Variants in REV3L observed in about 807,000 individuals in gnomAD.
REV3L encodes the protein DNA polymerase zeta catalytic subunit.
In REV3L, 69 loss-of-function variants were observed where a neutral mutation model predicts 299.4. That is an observed-to-expected ratio of 0.23 (90% CI 0.19 to 0.28). REV3L has a LOEUF of 0.28. Among genes scored for constraint, REV3L ranks in the 10% least tolerant of loss-of-function variants. The pLI is 1.00. For synonymous variants in REV3L, 1,238 were observed against 1,271.4 expected (o/e 0.97, Z 0.56); for missense variants, 3,128 against 3,693.8 (o/e 0.85, Z 3.97).
At chr6:111,338,118 GT>G (rs759676266) in intron 21 of REV3L, among the ~76,000 whole-genome samples, 1 of 152,042 alleles carries the variant, frequency 6.6e-6, no homozygotes, top group Non-Finnish European at 1.5e-5. Context: ...CTTTAAAAAG[GT>G]ATGTATTACA....
intron 13 of REV3L, among the ~76,000 whole-genome samples, chr6:111,368,819 A>G: frequency 6.6e-6 from 1 of 152,210 alleles, no homozygotes; most frequent in East Asian, 1.9e-4. Context: ...TATTATGGAT[A>G]TAAAGTTAAT....
chr6:111,307,226 AG>A (rs1453770117), intron 31 of REV3L, 134 bp downstream of exon 31: 1 of 700,172 alleles, frequency 1.4e-6, no homozygotes, highest in Non-Finnish European at 2.4e-6. Context: ...TGAGATTTTT[AG>A]GAAGTTTATC....
At chr6:111,430,530 A>G in intron 1 of REV3L, 1 of 1,572,004 alleles carries the variant, frequency 6.4e-7, no homozygotes, top group Non-Finnish European at 8.7e-7. Flanking sequence ...TAGACATGAA[A>G]GAATTCAGAG....
chr6:111,344,139 G>A, intron 20 of REV3L, 96 bp from the exon 21 acceptor site: 1 of 730,394 alleles, frequency 1.4e-6, no homozygotes, highest in Non-Finnish European at 2.2e-6. Context: ...ACTTTTCATA[G>A]TAGATATTAA....
intron 13 of REV3L, among the ~76,000 whole-genome samples, chr6:111,368,742 C>T (rs1368843483): frequency 6.6e-6 from 1 of 152,136 alleles, no homozygotes; most frequent in Non-Finnish European, 1.5e-5. Flanking sequence ...TGTCTTTCTC[C>T]AATCCCTTGA....
chr6:111,330,110 C>G (rs1456322544), intron 24 of REV3L, among the ~76,000 whole-genome samples: 2 of 152,162 alleles, frequency 1.3e-5, no homozygotes, highest in African/African-American at 4.8e-5. Flanking sequence ...TTGTATCACT[C>G]ATAACCAACT....
At chr6:111,355,518 A>C (rs1777998076) in intron 18 of REV3L, among the ~76,000 whole-genome samples, 1 of 152,166 alleles carries the variant, frequency 6.6e-6, no homozygotes. Context: ...GTTGACATTT[A>C]AGCATTTTTC....
intron 2 of REV3L, among the ~76,000 whole-genome samples, chr6:111,413,259 A>G (rs1268284784): frequency 6.6e-6 from 1 of 152,174 alleles, no homozygotes; most frequent in African/African-American, 2.4e-5. Flanking sequence ...GGTTTTGCCA[A>G]AAGAATTCCT....
intron 21 of REV3L, among the ~76,000 whole-genome samples, chr6:111,336,747 C>T (rs1382494929): frequency 6.6e-6 from 1 of 152,134 alleles, no homozygotes; most frequent in African/African-American, 2.4e-5. Flanking sequence ...CAGTATTAAT[C>T]ATAGTAGCCC....
intron 1 of REV3L, among the ~76,000 whole-genome samples, chr6:111,443,436 G>C (rs1301036486): frequency 6.6e-6 from 1 of 152,182 alleles, no homozygotes; most frequent in South Asian, 2.1e-4. Context: ...GGTGGGCATT[G>C]TAGATACCTG....
At chr6:111,459,396 C>T (rs774777784) in intron 1 of REV3L, among the ~76,000 whole-genome samples, 2 of 152,032 alleles carry the variant, frequency 1.3e-5, no homozygotes, top group Non-Finnish European at 2.9e-5. Flanking sequence ...GCTAAGTCCT[C>T]AAAAACAATT....
chr6:111,378,885 T>C (rs139354766), intron 11 of REV3L, among the ~76,000 whole-genome samples: 1 of 152,340 alleles, frequency 6.6e-6, no homozygotes, highest in East Asian at 1.9e-4. Context: ...CAGATCCTTC[T>C]AGTTTTCTTC....
chr6:111,459,303 C>G (rs1583067594), intron 1 of REV3L, among the ~76,000 whole-genome samples: 1 of 151,920 alleles, frequency 6.6e-6, no homozygotes, highest in African/African-American at 2.4e-5. Flanking sequence ...AAAGACATAA[C>G]TGTAAGACCT....
chr6:111,304,022 A>G (rs1329752059), intron 31 of REV3L, among the ~76,000 whole-genome samples: 1 of 152,086 alleles, frequency 6.6e-6, no homozygotes, highest in Non-Finnish European at 1.5e-5. Flanking sequence ...ACCTGGCCAG[A>G]TATTTTTAAA....
Position 111,375,331 on chromosome 6 carries a change from T to A in REV3L, c.3024A>T (p.Glu1008Asp), listed in dbSNP as rs568497400. The change falls in exon 13 of 32, where the codon GAA becomes GAT. Residue 1008 changes from glutamate (E) to aspartate (D), a missense_variant. Glu to Asp is a conservative substitution (Grantham distance 45). This residue lies in a region of REV3L where 2,409 missense variants were observed against 2,611.8 expected (regional missense o/e 0.92). Coordinates refer to ENST00000368802, the MANE Select transcript of REV3L (RefSeq NM_001372078.1). The stretch of plus-strand genomic sequence containing the variant: ...GCTTTTTATATAGTTCCATTTTTTC[T>A]TCTGTTAATATTACTTGTTTTTCTT... ...DSKEKQVILT[E>D]EKMELYKKLA... 6 of 1,579,518 alleles carry A rather than the reference T, an allele frequency of 3.8e-6. No homozygotes were observed. Among genetic ancestry groups the A allele is most frequent in the Non-Finnish European group, 5.1e-6 (6 of 1,171,420 alleles).
rs574930788 is a variant in REV3L at position 111,441,883 on chromosome 6, G to C, written c.140-25411C>G. Among the ~76,000 whole-genome samples, 11 of 152,278 alleles carry C rather than the reference G, an allele frequency of 7.2e-5. No individual in the cohort carries two copies. The South Asian group carries it at 1.9e-3, about 26-fold the overall frequency. On this transcript the variant is annotated intron_variant, in intron 1 of 31. Transcript: ENST00000368802. ...GGGAGGGGAAGAACCTGTTGATGTG[G>C]GGTATGGGGAGAAGATAAAGTGTTC...
chr6:111,332,021 T>A (rs111750781), intron 23 of REV3L, among the ~76,000 whole-genome samples: 1 of 152,178 alleles, frequency 6.6e-6, no homozygotes, highest in Non-Finnish European at 1.5e-5. Flanking sequence ...ATGGGTAAAA[T>A]CTATACTGAA....
chr6:111,432,586 TG>T (rs1787068606), intron 1 of REV3L, among the ~76,000 whole-genome samples: 1 of 152,156 alleles, frequency 6.6e-6, no homozygotes, highest in Non-Finnish European at 1.5e-5. Flanking sequence ...AGAGACAGAC[TG>T]CAATACAGTA....
At chr6:111,446,561 C>A (rs1027690240) in intron 1 of REV3L, among the ~76,000 whole-genome samples, 1 of 151,976 alleles carries the variant, frequency 6.6e-6, no homozygotes, top group Non-Finnish European at 1.5e-5. Flanking sequence ...ATTAGCCAGG[C>A]GAGTTGGCAG....
Sources: gnomAD v4.1 joint callset for allele counts (sites outside exome capture counted in the v4.1 genomes callset) on GRCh38, gnomAD v4.1.1 for gene constraint, gnomAD v4.1.1 regional missense constraint, MANE v1.5 for transcripts, NCBI Gene and HGNC (gene_info 2026-07-23, HGNC 2026-07-21) for gene names.